The following CISD1 variants were observed in gnomAD, a reference collection of about 807,000 sequenced individuals.
CISD1 encodes the protein CDGSH iron-sulfur domain-containing protein 1.
CISD1 carries 8 observed loss-of-function variants against 12.0 expected under a neutral mutation model. That is an observed-to-expected ratio of 0.67 (90% confidence interval 0.39 to 1.20). The LOEUF (loss-of-function observed/expected upper bound fraction) is 1.20. Ranked by LOEUF, CISD1 falls within the 50% of genes most tolerant of loss-of-function variation. CISD1 has a pLI of 0.01. For synonymous variants in CISD1, 38 were observed against 42.2 expected (o/e 0.90, Z 0.39); for missense variants, 107 against 132.7 (o/e 0.81, Z 0.95).
intron 2 of CISD1, among the ~76,000 whole-genome samples, chr10:58,280,117 G>A (rs2790182): frequency 0.34 from 51,508 of 152,108 alleles, 10,972 homozygotes; most frequent in African/African-American, 0.61. Context: ...AATCTGCAAG[G>A]AAGGACTTGT....
intron 1 of CISD1, among the ~76,000 whole-genome samples, chr10:58,271,074 C>T (rs975758115): frequency 1.5e-5 from 2 of 133,918 alleles, no homozygotes; most frequent in African/African-American, 6.6e-5. Context: ...GAGTCTCGCT[C>T]TGTCGCCCAG....
rs796095225 is a variant in CISD1 at position 58,289,421 on chromosome 10, T to C, written c.*1771T>C. The C allele has an allele frequency of 7.2e-5, 11 of 152,042 alleles. No homozygotes were observed. Among genetic ancestry groups the C allele is most frequent in the Non-Finnish European group, 5.9e-5 (4 of 67,920 alleles). The allele number at this position is 152,042 out of a possible 1,614,324, so 9.4% of individuals were successfully genotyped here. On this transcript the variant is annotated 3_prime_UTR_variant, in exon 3 of 3. Coordinates refer to ENST00000333926, the MANE Select transcript of CISD1 (RefSeq NM_018464.5). ...GAGTGTGTGTATACATATGGCAAAATTATAAATGACCACCTTACTGTGAAA... is the reference window on the plus strand; with the variant it reads ...GAGTGTGTGTATACATATGGCAAAACTATAAATGACCACCTTACTGTGAAA...
intron 1 of CISD1, among the ~76,000 whole-genome samples, chr10:58,276,381 T>C (rs949534221): frequency 6.6e-6 from 1 of 151,888 alleles, no homozygotes; most frequent in Non-Finnish European, 1.5e-5. Context: ...TAAATGAGAA[T>C]ATAACTATAC....
intron 2 of CISD1, chr10:58,283,121 G>C (rs1474375532): frequency 6.6e-6 from 1 of 152,036 alleles, no homozygotes; most frequent in Non-Finnish European, 1.5e-5. Context: ...TTTGTCGTTG[G>C]TAGTAGGCTT....
chr10:58,285,485 C>G (rs1421907476), intron 2 of CISD1, among the ~76,000 whole-genome samples: 1 of 152,150 alleles, frequency 6.6e-6, no homozygotes, highest in African/African-American at 2.4e-5. Flanking sequence ...TTCAAAGCAA[C>G]AGTGTACCTT....
At chr10:58,287,361 A>G (rs1839440336) in intron 2 of CISD1, among the ~76,000 whole-genome samples, 200 bp from the exon 3 acceptor site, 1 of 152,218 alleles carries the variant, frequency 6.6e-6, no homozygotes, top group South Asian at 2.1e-4. Flanking sequence ...AATTCAATAA[A>G]TGATGTGTGT....
rs2590370 is a variant in CISD1 at position 58,289,260 on chromosome 10, G to A, written c.*1610G>A. 51,421 of 151,910 alleles carry A rather than the reference G, an allele frequency of 0.34. 10,940 individuals are homozygous for A. Among genetic ancestry groups the A allele is most frequent in the African/African-American group, 0.61 (25,155 of 41,438 alleles). The allele number at this position is 151,910 out of a possible 1,614,324, so 9.4% of individuals were successfully genotyped here. ...AGAAAAATAAATGCATCAACTCCCA[G>A]TGTTTCTGATAAAGGGACATCCTTC... On this transcript the variant is annotated 3_prime_UTR_variant, in exon 3 of 3. Transcript: ENST00000333926.
chr10:58,270,059 A>G (rs1839226808), intron 1 of CISD1, among the ~76,000 whole-genome samples: 1 of 152,220 alleles, frequency 6.6e-6, no homozygotes, highest in South Asian at 2.1e-4. Context: ...TTAATATAAT[A>G]CTGTGTACCA....
At chr10:58,274,682 C>G (rs1323166253) in intron 1 of CISD1, among the ~76,000 whole-genome samples, 2 of 151,878 alleles carry the variant, frequency 1.3e-5, no homozygotes, top group Non-Finnish European at 2.9e-5. Context: ...TTTTGATTCC[C>G]CATGGGGCAG....
chr10:58,274,950 A>G (rs1839296127), intron 1 of CISD1, among the ~76,000 whole-genome samples: 1 of 152,206 alleles, frequency 6.6e-6, no homozygotes, highest in African/African-American at 2.4e-5. Context: ...TTCCTATAGT[A>G]TTCTCTTTTT....
intron 2 of CISD1, among the ~76,000 whole-genome samples, chr10:58,278,264 G>A (rs180868310): frequency 6.6e-5 from 10 of 152,252 alleles, no homozygotes; most frequent in East Asian, 5.8e-4. Context: ...TCAGCAGGGC[G>A]TGGTGTCTCA....
chr10:58,287,577 G>C lies in CISD1; in HGVS notation c.254G>C (p.Gly85Ala), dbSNP rs1202240779. ...WRSKKFPFCD[G>A]AHTKHNEETG... Reference sequence around the variant, plus strand: ...TCTTCCTAGTTCCCATTCTGTGATGGGGCTCACACAAAACATAACGAAGAG... The same window carrying C: ...TCTTCCTAGTTCCCATTCTGTGATGCGGCTCACACAAAACATAACGAAGAG... The change falls in exon 3 of 3, where the codon GGG (glycine) becomes GCG (alanine). Residue 85 changes from glycine to alanine, a missense_variant. Physicochemically the swap from Gly to Ala is moderately conservative, Grantham distance 60. Coordinates refer to ENST00000333926, the MANE Select transcript of CISD1 (RefSeq NM_018464.5). 6.2e-7 allele frequency: 1 copy of C among 1,606,088 alleles called. No homozygotes were observed. The highest frequency in any genetic ancestry group is 8.5e-7 in the Non-Finnish European group (1 of 1,175,058).
chr10:58,279,122 C>G lies in CISD1; in HGVS notation c.237+1800C>G, dbSNP rs146137668. ...AACCACAGATAGTCCACATGTGTGA[C>G]TAAGATGGTGACACCTTTGCTTTCT... On this transcript the variant is annotated intron_variant, in intron 2 of 2. Transcript: ENST00000333926. Among the ~76,000 whole-genome samples, 72 of 152,278 alleles carry G rather than the reference C, an allele frequency of 4.7e-4. 1 individual carries two copies. Among genetic ancestry groups the G allele is most frequent in the Admixed American group, 9.2e-4 (14 of 15,296 alleles).
chr10:58,275,882 G>A (rs1839310060), intron 1 of CISD1, among the ~76,000 whole-genome samples: 1 of 152,146 alleles, frequency 6.6e-6, no homozygotes, highest in Admixed American at 6.5e-5. Flanking sequence ...TTTATGTAAG[G>A]TACTATTAGG....
chr10:58,284,509 A>T (rs138527070), intron 2 of CISD1, among the ~76,000 whole-genome samples: 1 of 152,342 alleles, frequency 6.6e-6, no homozygotes, highest in East Asian at 1.9e-4. Context: ...AGCTTTATAC[A>T]CTTTAATCGC....
intron 1 of CISD1, among the ~76,000 whole-genome samples, chr10:58,276,621 T>C (rs993150221): frequency 9.2e-5 from 14 of 151,984 alleles, no homozygotes; most frequent in African/African-American, 2.6e-4. Context: ...ATAGTTGCAA[T>C]TGAGTTTTGG....
intron 1 of CISD1, among the ~76,000 whole-genome samples, chr10:58,275,459 T>C (rs924906736): frequency 2.0e-5 from 3 of 152,186 alleles, no homozygotes; most frequent in Non-Finnish European, 4.4e-5. Context: ...CTACACATAA[T>C]GTGTACCTAC....
rs576803000 is a variant in CISD1 at position 58,284,160 on chromosome 10, C to A, written c.238-3401C>A. ...GAATGTAACAGCCAATGTAGTGAAA[C>A]CTTGTCTCCACAAAAAAATGCAGAA... On this transcript the variant is annotated intron_variant, in intron 2 of 2. Coordinates refer to ENST00000333926, the MANE Select transcript of CISD1 (RefSeq NM_018464.5). 2.0e-5 allele frequency among the ~76,000 whole-genome samples: 3 copies of A among 151,972 alleles called. No homozygotes were observed. In the East Asian group the frequency reaches 5.8e-4, roughly 29 times the overall value.
At chr10:58,282,728 G>C (rs868570943) in intron 2 of CISD1, among the ~76,000 whole-genome samples, 2 of 152,128 alleles carry the variant, frequency 1.3e-5, no homozygotes, top group African/African-American at 4.8e-5. Flanking sequence ...TTGAGTCAGC[G>C]GTATCTTGAC....
Sources: gnomAD v4.1 joint callset for allele counts (sites outside exome capture counted in the v4.1 genomes callset) on GRCh38, gnomAD v4.1.1 for gene constraint, MANE v1.5 for transcripts, NCBI Gene and HGNC (gene_info 2026-07-23, HGNC 2026-07-21) for gene names.